CEP112: variants seen among roughly 807,000 people sequenced by gnomAD.
The protein encoded by CEP112 is centrosomal protein 112.
Under a neutral mutation model 153.0 loss-of-function variants are expected in CEP112, and 127 were observed. That is an observed-to-expected ratio of 0.83 (90% CI 0.72 to 0.96). The LOEUF is 0.96. CEP112 is among the 40% of genes least tolerant of loss of function. The pLI is 0.00. For missense variants in CEP112, 1,089 were observed against 1,101.2 expected, an observed-to-expected ratio of 0.99 and a Z score of 0.16; for synonymous variants, 358 against 374.4, an observed-to-expected ratio of 0.96 and a Z score of 0.51.
chr17:66,112,633 G>A lies in CEP112; in HGVS notation c.643-16001C>T, dbSNP rs934046632. On this transcript the variant is annotated intron_variant, in intron 6 of 26. Transcript: ENST00000535342. ...CCTCAACATGGTACCAGAGAAATGC[G>A]CATATTCTTCAGTAAATAACACAGT... 7.1e-4 allele frequency among the ~76,000 whole-genome samples: 108 copies of A among 151,974 alleles called. 3 individuals are homozygous for A. The highest frequency in any genetic ancestry group is 3.9e-4 in the East Asian group (2 of 5,152).
At chr17:65,878,440 G>A (rs1427641829) in intron 20 of CEP112, among the ~76,000 whole-genome samples, 1 of 152,150 alleles carries the variant, frequency 6.6e-6, no homozygotes. Context: ...TTAGTGAACT[G>A]CTAAGCGACC....
intron 21 of CEP112, among the ~76,000 whole-genome samples, chr17:65,788,600 A>G (rs1018200998): frequency 6.6e-6 from 1 of 152,096 alleles, no homozygotes; most frequent in Non-Finnish European, 1.5e-5. Flanking sequence ...AGAGTTTTCT[A>G]TTCTTTCATT....
chr17:66,132,354 T>C (rs1568529530), intron 5 of CEP112, among the ~76,000 whole-genome samples: 1 of 152,130 alleles, frequency 6.6e-6, no homozygotes, highest in Non-Finnish European at 1.5e-5. Context: ...TTCCAGCTTC[T>C]TCTTAATTTT....
intron 17 of CEP112, among the ~76,000 whole-genome samples, chr17:65,970,443 ATG>A: frequency 2.2e-5 from 2 of 89,222 alleles, no homozygotes; most frequent in Non-Finnish European, 2.2e-5. Context: ...CACATCATGC[ATG>A]TATATTACAT....
intron 6 of CEP112, 34 bp downstream of exon 6, chr17:66,129,712 T>C: frequency 7.1e-7 from 1 of 1,407,898 alleles, no homozygotes; most frequent in African/African-American, 1.4e-5. Context: ...TTTTGACACA[T>C]CTATATATAC....
chr17:66,033,020 C>A (rs754623059), intron 12 of CEP112, among the ~76,000 whole-genome samples: 1 of 134,156 alleles, frequency 7.5e-6, no homozygotes, highest in Non-Finnish European at 1.6e-5. Flanking sequence ...TAATCTGGCA[C>A]GAAAAAGAAG....
intron 17 of CEP112, among the ~76,000 whole-genome samples, chr17:65,999,533 T>G (rs930096453): frequency 5.9e-5 from 9 of 151,456 alleles, no homozygotes; most frequent in African/African-American, 1.2e-4. Context: ...CTATATTTAC[T>G]CATTATTTGA....
chr17:65,642,911 C>G (rs2045221917), intron 24 of CEP112, among the ~76,000 whole-genome samples: 1 of 152,100 alleles, frequency 6.6e-6, no homozygotes, highest in Non-Finnish European at 1.5e-5. Flanking sequence ...CCTTTTTAAA[C>G]AAATTTTATT....
chr17:65,962,252 G>C (rs569718906), intron 17 of CEP112, among the ~76,000 whole-genome samples: 1 of 151,874 alleles, frequency 6.6e-6, no homozygotes, highest in Non-Finnish European at 1.5e-5. Context: ...TGAATTTTAT[G>C]GTATGTGAAT....
intron 17 of CEP112, among the ~76,000 whole-genome samples, chr17:65,978,427 C>T (rs2063114552): frequency 6.6e-6 from 1 of 152,184 alleles, no homozygotes; most frequent in African/African-American, 2.4e-5. Context: ...CGGAGCAAGG[C>T]CCAGCTCGGT....
At position 65,902,279 on chromosome 17, in the gene CEP112, T is replaced by G; in HGVS notation, c.2036A>C (p.His679Pro). Residue 679 changes from histidine to proline, a missense_variant, in exon 20 of 27, where the codon CAT (histidine) becomes CCT (proline). Physicochemically the swap from His to Pro is moderately conservative, Grantham distance 77 (BLOSUM62 -2). Coordinates refer to ENST00000535342, the MANE Select transcript of CEP112 (RefSeq NM_001199165.4). ...GACTAGGCTATCCTTCTCTGCGTTA[T>G]GCTGCTGTAATAGGTGCGTCTTCTC... is the stretch of plus-strand genomic sequence containing the variant. Reference protein sequence around the residue: ...EQEKTHLLQQHNAEKDSLVRD... With the variant: ...EQEKTHLLQQPNAEKDSLVRD... 6.2e-7 allele frequency: 1 copy of G among 1,614,056 alleles called. No individual in the cohort carries two copies. Among genetic ancestry groups the G allele is most frequent in the Non-Finnish European group, 8.5e-7 (1 of 1,179,998 alleles).
chr17:66,142,517 G>T (rs72837156), intron 4 of CEP112, among the ~76,000 whole-genome samples: 2,601 of 152,122 alleles, frequency 0.017, 34 homozygotes, highest in Non-Finnish European at 0.021. Flanking sequence ...ATTTCTAGTT[G>T]ATTTTTGTGT....
chr17:65,918,789 A>T (rs1385213624), intron 19 of CEP112, among the ~76,000 whole-genome samples: 1 of 152,252 alleles, frequency 6.6e-6, no homozygotes, highest in African/African-American at 2.4e-5. Context: ...GTGAGCATTT[A>T]GCCCATGTGT....
chr17:66,168,407 ATATG>A (rs950414595), intron 4 of CEP112, among the ~76,000 whole-genome samples: 1 of 128,872 alleles, frequency 7.8e-6, no homozygotes. Context: ...ATATATGTGT[ATATG>A]TGTGTGTGTG....
intron 5 of CEP112, among the ~76,000 whole-genome samples, chr17:66,132,248 T>C (rs1458092942): frequency 2.8e-5 from 4 of 140,804 alleles, no homozygotes; most frequent in Admixed American, 7.2e-5. Context: ...AGCAAATCTA[T>C]GTTGAACAAA....
chr17:65,848,541 C>G (rs1365925599), intron 21 of CEP112, among the ~76,000 whole-genome samples: 1 of 152,096 alleles, frequency 6.6e-6, no homozygotes, highest in Non-Finnish European at 1.5e-5. Flanking sequence ...CAGTTGCCCT[C>G]TCTCTCCCTC....
At chr17:65,752,518 C>A (rs1240165804) in intron 21 of CEP112, among the ~76,000 whole-genome samples, 2 of 152,210 alleles carry the variant, frequency 1.3e-5, no homozygotes, top group Admixed American at 1.3e-4. Flanking sequence ...CCTCACATTT[C>A]TCCTCAACTG....
At chr17:65,897,477 T>C (rs985245974) in intron 20 of CEP112, among the ~76,000 whole-genome samples, 7 of 152,068 alleles carry the variant, frequency 4.6e-5, no homozygotes, top group Non-Finnish European at 1.0e-4. Context: ...AAAGAGATAA[T>C]AACACTTGGA....
At position 65,960,437 on chromosome 17, in the gene CEP112, T is replaced by C. The variant is rs372683618; in HGVS notation, c.1872+1026A>G. On this transcript the variant is annotated intron_variant, in intron 18 of 26. Transcript: ENST00000535342. Reference sequence around the variant, plus strand: ...ATTATCTATGGGCATTATGTATGCATATAAAATAAACTGAAATAATGCAGC... The same window carrying C: ...ATTATCTATGGGCATTATGTATGCACATAAAATAAACTGAAATAATGCAGC... 6.0e-4 allele frequency among the ~76,000 whole-genome samples: 91 copies of C among 152,334 alleles called. 4 individuals are homozygous for C. The South Asian group carries it at 0.017, about 29-fold the overall frequency.
Sources: gnomAD v4.1 joint callset for allele counts (sites outside exome capture counted in the v4.1 genomes callset) on GRCh38, gnomAD v4.1.1 for gene constraint, MANE v1.5 for transcripts, NCBI Gene and HGNC (gene_info 2026-07-23, HGNC 2026-07-21) for gene names.